The following CNDP2 variants were observed in gnomAD, a reference collection of about 807,000 sequenced individuals.
The protein encoded by CNDP2 is carnosine dipeptidase 2.
In CNDP2, 38 loss-of-function variants were observed where a neutral mutation model predicts 55.0. The ratio of observed to expected loss-of-function variants is 0.69; its 90% CI spans 0.53 to 0.90. CNDP2 has a LOEUF of 0.90. Ranked by LOEUF, CNDP2 falls within the 40% of genes least tolerant of loss-of-function variation. The pLI, the probability that CNDP2 is intolerant of heterozygous loss-of-function variation, is 0.00. For missense variants in CNDP2, 607 were observed against 621.7 expected (o/e 0.98, Z 0.25); for synonymous variants, 241 against 260.2 (o/e 0.93, Z 0.71).
In CNDP2 at chr18:74,521,862, G is replaced by A. The variant is rs1428235593; in HGVS notation, c.*1794G>A. ...TGCTTAGCTTAAAAGCACCTCCCAA[G>A]GGGAAAACAGTAACTTCACAGTGGA... is the stretch of plus-strand genomic sequence containing the variant. On this transcript the variant is annotated 3_prime_UTR_variant, in exon 12 of 12. Coordinates refer to ENST00000324262, the MANE Select transcript of CNDP2 (RefSeq NM_018235.3). 6.6e-6 allele frequency: 1 copy of A among 152,204 alleles called. No individual in the cohort carries two copies. Among genetic ancestry groups the A allele is most frequent in the African/African-American group, 2.4e-5 (1 of 41,422 alleles). 9.4% of individuals were successfully genotyped at this position (152,204 alleles called of 1,614,324 possible).
intron 2 of CNDP2, among the ~76,000 whole-genome samples, chr18:74,500,519 G>T (rs1978632345): frequency 1.3e-5 from 2 of 152,188 alleles, no homozygotes; most frequent in African/African-American, 4.8e-5. Context: ...GGTATTTTCT[G>T]TATCTTTCAG....
At chr18:74,498,309 C>CATGT (rs772679844) in intron 1 of CNDP2, among the ~76,000 whole-genome samples, 42 of 152,232 alleles carry the variant, frequency 2.8e-4, no homozygotes, top group Admixed American at 1.3e-3. Context: ...CAAACCCGTA[C>CATGT]ATGTACCTTT....
At chr18:74,518,773 T>C in intron 10 of CNDP2, 133 bp downstream of exon 10, 2 of 1,432,880 alleles carry the variant, frequency 1.4e-6, no homozygotes, top group East Asian at 4.6e-5. Flanking sequence ...TAAGTCAGCA[T>C]GAGGACAGCT....
intron 9 of CNDP2, chr18:74,517,668 G>A (rs1196756830): frequency 2.0e-5 from 3 of 151,922 alleles, no homozygotes; most frequent in Non-Finnish European, 1.5e-5. Flanking sequence ...GTAGTGGCAG[G>A]GTGGAGCCTG....
intron 5 of CNDP2, 34 bp downstream of exon 5, chr18:74,508,962 T>C: frequency 6.4e-7 from 1 of 1,572,194 alleles, no homozygotes; most frequent in Non-Finnish European, 8.7e-7. Context: ...GCCTGAGTCC[T>C]GGGTTCCATC....
chr18:74,518,502 A>G lies in CNDP2; in HGVS notation c.1072A>G (p.Thr358Ala). The stretch of plus-strand genomic sequence containing the variant: ...CTCTATTCTATTTGTGGTTTAGGTC[A>G]CAAGCTACCTAACTAAGAAGTTTGC... ...MTPEVVGEQV[T>A]SYLTKKFAEL... Residue 358 changes from threonine (T) to alanine (A), a missense_variant, in exon 10 of 12, where the codon ACA (threonine) becomes GCA (alanine). Thr to Ala is a moderately conservative substitution (Grantham distance 58). Coordinates refer to ENST00000324262, the MANE Select transcript of CNDP2 (RefSeq NM_018235.3). 1 of 1,614,180 alleles carries G rather than the reference A, an allele frequency of 6.2e-7. No individual in the cohort carries two copies. The highest frequency in any genetic ancestry group is 8.5e-7 in the Non-Finnish European group (1 of 1,180,028).
At position 74,505,872 on chromosome 18, in the gene CNDP2, G is replaced by A. The variant is rs1046137391; in HGVS notation, c.228G>A (p.Pro76=). Residue 76 remains proline, a synonymous_variant, in exon 4 of 12, where the codon CCG becomes CCA. Coordinates refer to ENST00000324262, the MANE Select transcript of CNDP2 (RefSeq NM_018235.3). ...AGCTCCCTGATGGCTCGGAGATCCC[G>A]CTCCCTCCTATTCTGCTCGGCAGGC... ...KQKLPDGSEI[P]LPPILLGRLG... is the part of the protein sequence containing the mutation. The A allele has an allele frequency of 1.4e-5, 22 of 1,610,892 alleles. No individual in the cohort carries two copies. The highest frequency in any genetic ancestry group is 1.7e-5 in the Admixed American group (1 of 59,060).
At position 74,520,375 on chromosome 18, in the gene CNDP2, G is replaced by T. The variant is rs1468287347; in HGVS notation, c.*307G>T. ...GGTCTGCGGAAAGTTCTGGTTGTCG[G>T]CCGGGCACCACGGCTCACACCTATA... On this transcript the variant is annotated 3_prime_UTR_variant, in exon 12 of 12. Coordinates refer to ENST00000324262, the MANE Select transcript of CNDP2 (RefSeq NM_018235.3). The T allele has an allele frequency of 5.5e-6, 2 of 363,526 alleles. No individual in the cohort carries two copies. Among genetic ancestry groups the T allele is most frequent in the Non-Finnish European group, 1.0e-5 (2 of 194,754 alleles). 22.5% of individuals were successfully genotyped at this position (363,526 alleles called of 1,614,324 possible).
chr18:74,502,592 T>TA (rs1344361131), intron 3 of CNDP2, among the ~76,000 whole-genome samples: 3 of 152,182 alleles, frequency 2.0e-5, no homozygotes, highest in Non-Finnish European at 4.4e-5. Context: ...CCCGGCCTCT[T>TA]ACTGTATGTT....
At chr18:74,502,301 A>T (rs1463471390) in intron 3 of CNDP2, among the ~76,000 whole-genome samples, 3 of 152,228 alleles carry the variant, frequency 2.0e-5, no homozygotes, top group Non-Finnish European at 4.4e-5. Flanking sequence ...TACTCACGTC[A>T]TCCATAGGTT....
chr18:74,506,683 G>C (rs1291471197), intron 4 of CNDP2, among the ~76,000 whole-genome samples: 1 of 152,168 alleles, frequency 6.6e-6, no homozygotes, highest in African/African-American at 2.4e-5. Context: ...GTATATGTTA[G>C]TGGCCTCCTT....
At position 74,512,522 on chromosome 18, in the gene CNDP2, T is replaced by A; in HGVS notation, c.732T>A (p.Ile244=). ...GSVHEAMTDL[I]LLMGSLVDKR... is the part of the protein sequence containing the mutation. ...TGCATGAGGCCATGACTGATCTCAT[T>A]TTGCTGATGGGTAAGTGCGGGATGG... Residue 244 remains isoleucine (I), a synonymous_variant, in exon 7 of 12, where the codon ATT becomes ATA. Transcript: ENST00000324262. The A allele has an allele frequency of 6.2e-7, 1 of 1,613,648 alleles. No individual in the cohort carries two copies. The highest frequency in any genetic ancestry group is 8.5e-7 in the Non-Finnish European group (1 of 1,179,820).
Position 74,511,027 on chromosome 18 carries a change from C to T in CNDP2, c.657+14C>T. ...TTTTTCATCGAGGTACAGTGCCAAGCTGTACGGGTCACTTCTTTCTAACCC... is the reference window on the plus strand; with the variant it reads ...TTTTTCATCGAGGTACAGTGCCAAGTTGTACGGGTCACTTCTTTCTAACCC... On this transcript the variant is annotated intron_variant, in intron 6 of 11. Coordinates refer to ENST00000324262, the MANE Select transcript of CNDP2 (RefSeq NM_018235.3). 6.2e-7 allele frequency: 1 copy of T among 1,606,756 alleles called. No individual in the cohort carries two copies. Among genetic ancestry groups the T allele is most frequent in the Non-Finnish European group, 8.5e-7 (1 of 1,175,274 alleles).
chr18:74,512,660 A>G lies in CNDP2; in HGVS notation c.742+128A>G, dbSNP rs1979420161. On this transcript the variant is annotated intron_variant, in intron 7 of 11. Transcript: ENST00000324262. ...GAACCAACTTCTGTCTCAGTTTCCT[A>G]CTGTGCCTCTCCCTCCTTCCACTCA... The G allele has an allele frequency of 6.8e-6, 5 of 729,956 alleles. No homozygotes were observed. The South Asian group carries it at 8.0e-5, about 12-fold the overall frequency. 45.2% of individuals were successfully genotyped at this position (729,956 alleles called of 1,614,324 possible). A position where few individuals can be genotyped will look rare whatever the true frequency, so the allele number is the denominator to read the frequency against.
At chr18:74,516,735 C>G (rs1375511810) in intron 9 of CNDP2, 1 of 204,304 alleles carries the variant, frequency 4.9e-6, no homozygotes, top group South Asian at 1.3e-4. Flanking sequence ...ACTCTGGTGG[C>G]TGGAGGTCAG....
At chr18:74,501,873 C>T (rs1472111582) in intron 3 of CNDP2, among the ~76,000 whole-genome samples, 2 of 152,222 alleles carry the variant, frequency 1.3e-5, no homozygotes, top group African/African-American at 4.8e-5. Context: ...CACAGTGCTG[C>T]GTCCTTGAGC....
intron 3 of CNDP2, among the ~76,000 whole-genome samples, chr18:74,503,370 T>C (rs950726922): frequency 5.9e-5 from 9 of 152,134 alleles, no homozygotes; most frequent in Admixed American, 5.9e-4. Flanking sequence ...GTGGCAGTGG[T>C]GTTCTGTTTT....
chr18:74,519,927 G>A (rs1979952784), intron 11 of CNDP2, 72 bp from the exon 12 acceptor site: 3 of 1,407,054 alleles, frequency 2.1e-6, no homozygotes, highest in Admixed American at 1.8e-5. Flanking sequence ...TCTGGGCTCG[G>A]GAGGAGTCAC....
Position 74,518,585 on chromosome 18 carries a change from G to A in CNDP2, c.1155G>A (p.Trp385Ter), listed in dbSNP as rs768378248. ...KVYMGHGGKP[W>*]VSDFSHPHYL... ...ACATGGGCCACGGTGGGAAGCCCTG[G>A]GTCTCCGACTTCAGTCACCCTCATT... Residue 385 changes from tryptophan (W) to a stop codon, truncating the protein, a stop_gained, in exon 10 of 12, where the codon TGG (tryptophan) becomes TGA (stop). Coordinates refer to ENST00000324262, the MANE Select transcript of CNDP2 (RefSeq NM_018235.3). LOFTEE classifies it high-confidence loss of function. The A allele has an allele frequency of 6.2e-7, 1 of 1,614,162 alleles. No individual in the cohort carries two copies. Among genetic ancestry groups the A allele is most frequent in the South Asian group, 1.1e-5 (1 of 91,082 alleles).
Sources: gnomAD v4.1 joint callset for allele counts (sites outside exome capture counted in the v4.1 genomes callset) on GRCh38, gnomAD v4.1.1 for gene constraint, MANE v1.5 for transcripts, NCBI Gene and HGNC (gene_info 2026-07-23, HGNC 2026-07-21) for gene names.